VEZT: variants seen among roughly 807,000 people sequenced by gnomAD.
The protein encoded by VEZT is vezatin.
Under a neutral mutation model 79.9 loss-of-function variants are expected in VEZT, and 39 were observed. That is an observed-to-expected ratio of 0.49 (90% confidence interval 0.38 to 0.64). The LOEUF is 0.64. VEZT is among the 30% of genes least tolerant of loss of function. The pLI is 0.00. For synonymous variants in VEZT, 325 were observed against 327.6 expected, an observed-to-expected ratio of 0.99 and a Z score of 0.09; for missense variants, 837 against 893.1, an observed-to-expected ratio of 0.94 and a Z score of 0.80.
At chr12:95,261,700 T>C (rs2064531163) in intron 3 of VEZT, among the ~76,000 whole-genome samples, 2 of 152,214 alleles carry the variant, frequency 1.3e-5, no homozygotes, top group Admixed American at 6.5e-5. Flanking sequence ...CGTGAGCCAC[T>C]GCACCCGGCC....
At chr12:95,224,626 AC>A (rs1369974233) in intron 1 of VEZT, among the ~76,000 whole-genome samples, 2 of 152,160 alleles carry the variant, frequency 1.3e-5, no homozygotes, top group Non-Finnish European at 2.9e-5. Context: ...CAGGCCACTG[AC>A]TGAGAAAGGC....
At chr12:95,249,064 G>A (rs369441570) in intron 1 of VEZT, among the ~76,000 whole-genome samples, 2 of 152,076 alleles carry the variant, frequency 1.3e-5, no homozygotes, top group East Asian at 3.9e-4. Flanking sequence ...TTGGGACATA[G>A]CCATACTCAT....
intron 7 of VEZT, among the ~76,000 whole-genome samples, chr12:95,281,820 C>A (rs1045639701): frequency 6.6e-6 from 1 of 152,040 alleles, no homozygotes; most frequent in African/African-American, 2.4e-5. Context: ...TGAGCCACTG[C>A]GCCTAGCCCT....
At chr12:95,277,344 C>T (rs1012930394) in intron 7 of VEZT, among the ~76,000 whole-genome samples, 3 of 152,042 alleles carry the variant, frequency 2.0e-5, no homozygotes, top group Non-Finnish European at 4.4e-5. Flanking sequence ...ACATGGTGAA[C>T]CATTGTGTAG....
chr12:95,224,528 C>G (rs932749229), intron 1 of VEZT, among the ~76,000 whole-genome samples: 1 of 152,082 alleles, frequency 6.6e-6, no homozygotes, highest in Admixed American at 6.6e-5. Context: ...CTAGGAGCAG[C>G]CATCTTATTT....
intron 7 of VEZT, among the ~76,000 whole-genome samples, chr12:95,281,726 A>C (rs2069168438): frequency 1.3e-5 from 2 of 152,022 alleles, no homozygotes; most frequent in South Asian, 4.2e-4. Flanking sequence ...TTGTATTTTT[A>C]GTAGAGACGA....
intron 3 of VEZT, among the ~76,000 whole-genome samples, chr12:95,261,554 G>A (rs2064492005): frequency 6.6e-6 from 1 of 152,102 alleles, no homozygotes; most frequent in South Asian, 2.1e-4. Context: ...CAGGATTACA[G>A]GCATGTGCCA....
intron 5 of VEZT, 135 bp from the exon 6 acceptor site, chr12:95,269,916 A>T (rs556677492): frequency 7.2e-5 from 70 of 972,946 alleles, no homozygotes; most frequent in Non-Finnish European, 9.7e-5. Context: ...TGACATATGT[A>T]TAATCATTTT....
rs771578430 is a variant in VEZT, at chr12:95,300,545, A to T, written c.2212A>T (p.Thr738Ser). ...RLQLSPDFTFTAGLAAEVAAR... is the reference protein window; with the variant it reads ...RLQLSPDFTFSAGLAAEVAAR... ...ACAGCTGTCACCAGATTTTACCTTCACTGCTGGCCTTGCTGCAGAAGTGGC... is the reference window on the plus strand; with the variant it reads ...ACAGCTGTCACCAGATTTTACCTTCTCTGCTGGCCTTGCTGCAGAAGTGGC... Residue 738 changes from threonine to serine, a missense_variant, in exon 12 of 12, where the codon ACT becomes TCT. By Grantham distance (58) the Thr-to-Ser change is moderately conservative. Transcript: ENST00000436874. 1 of 1,613,932 alleles carries T rather than the reference A, an allele frequency of 6.2e-7. No individual in the cohort carries two copies. Among genetic ancestry groups the T allele is most frequent in the South Asian group, 1.1e-5 (1 of 91,076 alleles).
chr12:95,246,439 T>C (rs1349898879), intron 1 of VEZT, among the ~76,000 whole-genome samples: 1 of 152,186 alleles, frequency 6.6e-6, no homozygotes, highest in Non-Finnish European at 1.5e-5. Flanking sequence ...GATATCTTTA[T>C]GTGGGGCCTG....
At chr12:95,280,974 AT>A (rs2068942520) in intron 7 of VEZT, among the ~76,000 whole-genome samples, 1 of 152,256 alleles carries the variant, frequency 6.6e-6, no homozygotes, top group Admixed American at 6.5e-5. Context: ...TATACATGAA[AT>A]AATCTTAATT....
chr12:95,271,212 C>T (rs1300641412), intron 6 of VEZT, among the ~76,000 whole-genome samples: 1 of 152,062 alleles, frequency 6.6e-6, no homozygotes, highest in African/African-American at 2.4e-5. Flanking sequence ...GGAAATTTCA[C>T]ATATATATGA....
At chr12:95,233,355 T>G (rs2059541849) in intron 1 of VEZT, among the ~76,000 whole-genome samples, 1 of 152,144 alleles carries the variant, frequency 6.6e-6, no homozygotes, top group South Asian at 2.1e-4. Context: ...GAAGTACCAC[T>G]GTAATCACTT....
intron 6 of VEZT, among the ~76,000 whole-genome samples, chr12:95,274,309 T>A (rs966796393): frequency 2.0e-5 from 3 of 151,658 alleles, no homozygotes; most frequent in Admixed American, 6.6e-5. Flanking sequence ...TAGAAAAAAA[T>A]ACAAAAATCA....
chr12:95,279,495 C>T (rs1354901733), intron 7 of VEZT, among the ~76,000 whole-genome samples: 2 of 152,174 alleles, frequency 1.3e-5, no homozygotes, highest in Non-Finnish European at 2.9e-5. Context: ...TGGTTATCTC[C>T]TTATCCAGAG....
intron 11 of VEZT, chr12:95,299,217 G>A (rs1339267774): frequency 1.9e-5 from 3 of 154,732 alleles, no homozygotes; most frequent in Non-Finnish European, 2.9e-5. Context: ...TCCTGGAAGT[G>A]GACACATTTT....
intron 8 of VEZT, among the ~76,000 whole-genome samples, 173 bp from the exon 9 acceptor site, chr12:95,287,491 A>G (rs2071272965): frequency 6.6e-6 from 1 of 152,032 alleles, no homozygotes; most frequent in African/African-American, 2.4e-5. Flanking sequence ...TTGGTGAAAA[A>G]GGGGTTTCAC....
intron 10 of VEZT, among the ~76,000 whole-genome samples, 156 bp from the exon 11 acceptor site, chr12:95,295,895 A>G (rs2074035164): frequency 6.6e-6 from 1 of 152,062 alleles, no homozygotes; most frequent in Non-Finnish European, 1.5e-5. Context: ...ATAGGTATAT[A>G]TTTGCTTTTT....
intron 3 of VEZT, among the ~76,000 whole-genome samples, chr12:95,261,625 G>A (rs1022940930): frequency 6.6e-6 from 1 of 152,148 alleles, no homozygotes; most frequent in Non-Finnish European, 1.5e-5. Flanking sequence ...TGGCCAGGCT[G>A]GTCTCGAAAT....
Sources: gnomAD v4.1 joint callset for allele counts (sites outside exome capture counted in the v4.1 genomes callset) on GRCh38, gnomAD v4.1.1 for gene constraint, MANE v1.5 for transcripts, NCBI Gene and HGNC (gene_info 2026-07-23, HGNC 2026-07-21) for gene names.